Variants in KLC2 observed in about 807,000 individuals in gnomAD.
The protein encoded by KLC2 is kinesin light chain 2.
Under a neutral mutation model 75.1 loss-of-function variants are expected in KLC2, and 35 were observed. That is an observed-to-expected ratio of 0.47 (90% CI 0.36 to 0.62). KLC2 has a LOEUF of 0.62. Among genes scored for constraint, KLC2 ranks in the 20% least tolerant of loss-of-function variants. KLC2 has a pLI of 0.00. For missense variants in KLC2, 611 were observed against 833.2 expected, an observed-to-expected ratio of 0.73 and a Z score of 3.28; for synonymous variants, 314 against 336.7, an observed-to-expected ratio of 0.93 and a Z score of 0.74.
chr11:66,264,215 A>G lies in KLC2; in HGVS notation c.1112A>G (p.Asn371Ser), dbSNP rs776653511. The G allele has an allele frequency of 6.4e-7, 1 of 1,570,884 alleles. No homozygotes were observed. The highest frequency in any genetic ancestry group is 1.4e-5 in the African/African-American group (1 of 73,848). Residue 371 changes from asparagine (N) to serine (S), a missense_variant, in exon 8 of 16, where the codon AAC (asparagine) becomes AGC (serine). Coordinates refer to ENST00000394067, the MANE Select transcript of KLC2 (RefSeq NM_001318734.2). ...DDPNVAKTKN[N>S]LASCYLKQGK... ...CCCAATGTGGCCAAGACCAAGAACA[A>G]CCTGGTACCTTGGGGCTGAGAGGAG...
chr11:66,253,360 G>T (rs2092381411), upstream of KLC2, among the ~76,000 whole-genome samples: 1 of 152,188 alleles, frequency 6.6e-6, no homozygotes, highest in Non-Finnish European at 1.5e-5. Flanking sequence ...AAAAGAAAAA[G>T]AATAATTTAA....
rs1364363554 is a variant in KLC2 at position 66,261,900 on chromosome 11, G to A, written c.387G>A (p.Gln129=). The A allele has an allele frequency of 1.9e-6, 3 of 1,614,114 alleles. No individual in the cohort carries two copies. Among genetic ancestry groups the A allele is most frequent in the Non-Finnish European group, 2.5e-6 (3 of 1,180,058 alleles). Residue 129 remains glutamine (Q), a synonymous_variant, in exon 3 of 16, where the codon CAG becomes CAA. Transcript: ENST00000394067. ...AGCGCAGTGAGCAGGCCGTGGCCCA[G>A]CTCGAGGAGGAGAAGCAGCACTTGC... ...KLQRSEQAVA[Q]LEEEKQHLLF...
At chr11:66,255,429 T>G (rs1855997407), upstream of KLC2, among the ~76,000 whole-genome samples, 2 of 152,202 alleles carry the variant, frequency 1.3e-5, no homozygotes, top group Non-Finnish European at 2.9e-5. Flanking sequence ...GCTCAAGCAA[T>G]CTGCCCGCCT....
the KLC2 span, chr11:66,244,006 G>T: frequency 1.3e-5 from 2 of 152,396 alleles, no homozygotes; most frequent in East Asian, 3.9e-4. Context: ...CAGATGTCGT[G>T]TGTGTCCTGA....
intron 1 of KLC2, chr11:66,258,310 G>C (rs1172673232): frequency 2.1e-6 from 1 of 476,184 alleles, no homozygotes; most frequent in Non-Finnish European, 3.8e-6. Flanking sequence ...GGGGGTCCCC[G>C]GGGAAACCCG....
chr11:66,253,686 G>T (rs1208293788), upstream of KLC2, among the ~76,000 whole-genome samples: 1 of 152,242 alleles, frequency 6.6e-6, no homozygotes, highest in Admixed American at 6.5e-5. Flanking sequence ...GACACACAGT[G>T]CAATCCTCAG....
chr11:66,264,929 C>G, intron 9 of KLC2, 94 bp from the exon 10 acceptor site: 1 of 1,182,378 alleles, frequency 8.5e-7, no homozygotes. Flanking sequence ...GAAGCCCAAC[C>G]GTGGTCTCCC....
Position 66,267,647 on chromosome 11 carries a change from T to G in KLC2, c.*691T>G. 1.8e-6 allele frequency: 1 copy of G among 568,292 alleles called. No homozygotes were observed. Among genetic ancestry groups the G allele is most frequent in the Non-Finnish European group, 3.1e-6 (1 of 320,098 alleles). 35.2% of individuals were successfully genotyped at this position (568,292 alleles called of 1,614,324 possible). On this transcript the variant is annotated 3_prime_UTR_variant, in exon 16 of 16. Transcript: ENST00000394067. ...TGCCCCGCATCCCGGCCTTATGCACTGCCCCTCCCACCCGGCCCCGCCCAG... is the reference window on the plus strand; with the variant it reads ...TGCCCCGCATCCCGGCCTTATGCACGGCCCCTCCCACCCGGCCCCGCCCAG...
rs1856478292 is a variant in KLC2, at chr11:66,262,125, G to A, written c.462G>A (p.Glu154=). 6.2e-7 allele frequency: 1 copy of A among 1,612,850 alleles called. No homozygotes were observed. The highest frequency in any genetic ancestry group is 1.7e-5 in the Admixed American group (1 of 60,000). ...GCTCATCCTGTCTTCCTTCCCAGGA[G>A]GAGAAGGGGGACGTCCCCAAAGACA... ...RKLDEDASPN[E]EKGDVPKDTL... is the part of the protein sequence containing the mutation. The change falls in exon 4 of 16, where the codon GAG becomes GAA. Residue 154 remains glutamate (E), a splice_region_variant and synonymous_variant. Coordinates refer to ENST00000394067, the MANE Select transcript of KLC2 (RefSeq NM_001318734.2).
At chr11:66,245,872 ACT>A in the KLC2 span, among the ~76,000 whole-genome samples, 113 of 152,148 alleles carry the variant, frequency 7.4e-4, no homozygotes, top group Non-Finnish European at 1.1e-3. Context: ...ACAGAATGAG[ACT>A]CTGTCTCAAA....
Position 66,267,802 on chromosome 11 carries a change from A to G in KLC2, c.*846A>G. 1 of 336,536 alleles carries G rather than the reference A, an allele frequency of 3.0e-6. No homozygotes were observed. The highest frequency in any genetic ancestry group is 6.5e-5 in the South Asian group (1 of 15,366). 20.8% of individuals were successfully genotyped at this position (336,536 alleles called of 1,614,324 possible). A position where few individuals can be genotyped will look rare whatever the true frequency, so the allele number is the denominator to read the frequency against. On this transcript the variant is annotated 3_prime_UTR_variant, in exon 16 of 16. Coordinates refer to ENST00000394067, the MANE Select transcript of KLC2 (RefSeq NM_001318734.2). ...GGAGGGGCTCCCCCTGTTGCGGGTGAGGCGGCTGCTCTCATATTTTCAGAT... is the reference window on the plus strand; with the variant it reads ...GGAGGGGCTCCCCCTGTTGCGGGTGGGGCGGCTGCTCTCATATTTTCAGAT...
intron 12 of KLC2, 32 bp downstream of exon 12, chr11:66,265,795 C>T (rs190278163): frequency 1.9e-5 from 30 of 1,608,186 alleles, no homozygotes; most frequent in South Asian, 1.1e-5. Flanking sequence ...GGTGGGCAGA[C>T]ACCTGTGTGG....
At chr11:66,262,539 G>A in intron 4 of KLC2, 2 of 561,646 alleles carry the variant, frequency 3.6e-6, no homozygotes, top group Non-Finnish European at 6.4e-6. Context: ...GATGGTACTG[G>A]TTATGCATCG....
chr11:66,248,014 C>A, the KLC2 span, among the ~76,000 whole-genome samples: 1 of 152,076 alleles, frequency 6.6e-6, no homozygotes, highest in African/African-American at 2.4e-5. Flanking sequence ...GACTCAGACC[C>A]TGAAGCAGCT....
At chr11:66,256,351 A>G (rs1590851603), upstream of KLC2, among the ~76,000 whole-genome samples, 1 of 152,160 alleles carries the variant, frequency 6.6e-6, no homozygotes, top group African/African-American at 2.4e-5. Context: ...GGCTGGGCCG[A>G]GGCCAAGGTG....
the KLC2 span, among the ~76,000 whole-genome samples, chr11:66,249,896 T>C: frequency 3.8e-3 from 574 of 152,270 alleles, 5 homozygotes; most frequent in African/African-American, 0.013. Context: ...TGTTTCCAAC[T>C]ATAAGCCAGG....
At chr11:66,262,681 G>T in intron 4 of KLC2, 133 bp from the exon 5 acceptor site, 2 of 674,248 alleles carry the variant, frequency 3.0e-6, no homozygotes, top group Non-Finnish European at 2.6e-6. Flanking sequence ...TTCTATAAAT[G>T]GGGAAACTGA....
At chr11:66,246,578 A>G in the KLC2 span, among the ~76,000 whole-genome samples, 2 of 152,008 alleles carry the variant, frequency 1.3e-5, no homozygotes, top group Admixed American at 6.5e-5. Flanking sequence ...CCACCCACTT[A>G]CATGCATCCC....
chr11:66,252,480 G>C (rs1290875746), upstream of KLC2, among the ~76,000 whole-genome samples: 1 of 94,316 alleles, frequency 1.1e-5, no homozygotes, highest in African/African-American at 3.2e-5. Flanking sequence ...AGCCAGGATG[G>C]TCTCGATTTC....
Sources: gnomAD v4.1 joint callset for allele counts (sites outside exome capture counted in the v4.1 genomes callset) on GRCh38, gnomAD v4.1.1 for gene constraint, MANE v1.5 for transcripts, NCBI Gene and HGNC (gene_info 2026-07-23, HGNC 2026-07-21) for gene names.